The following PCDHA3 variants were observed in gnomAD, a reference collection of about 807,000 sequenced individuals.
The protein encoded by PCDHA3 is protocadherin alpha-3.
In PCDHA3, 41 loss-of-function variants were observed where a neutral mutation model predicts 62.2. The observed-to-expected ratio is 0.66, with a 90% CI of 0.51 to 0.86. The LOEUF (loss-of-function observed/expected upper bound fraction) is 0.86, where lower values mean the gene tolerates loss of function less well. Ranked by LOEUF, PCDHA3 falls within the 40% of genes least tolerant of loss-of-function variation. The pLI is 0.00. For missense variants in PCDHA3, 1,304 were observed against 1,241.2 expected (o/e 1.05, Z -0.76); for synonymous variants, 640 against 555.4 (o/e 1.15, Z -2.14).
intron 3 of PCDHA3, among the ~76,000 whole-genome samples, chr5:140,999,619 G>A (rs2097865766): frequency 6.6e-6 from 1 of 152,146 alleles, no homozygotes; most frequent in Non-Finnish European, 1.5e-5. Flanking sequence ...TTATCAACCA[G>A]GAAACAAGGT....
intron 1 of PCDHA3, among the ~76,000 whole-genome samples, chr5:140,953,778 A>T (rs782648195): frequency 2.0e-5 from 3 of 151,986 alleles, no homozygotes; most frequent in Non-Finnish European, 2.9e-5. Context: ...ATATTTATTT[A>T]TTTTTTTCTT....
At chr5:140,839,307 C>A (rs1554137377) in intron 1 of PCDHA3, among the ~76,000 whole-genome samples, 1 of 151,838 alleles carries the variant, frequency 6.6e-6, no homozygotes, top group African/African-American at 2.4e-5. Flanking sequence ...TTTAAATATC[C>A]TATTTATATT....
At chr5:140,819,426 A>G (rs1766555129) in intron 1 of PCDHA3, among the ~76,000 whole-genome samples, 1 of 152,182 alleles carries the variant, frequency 6.6e-6, no homozygotes, top group Non-Finnish European at 1.5e-5. Context: ...TATACTACAC[A>G]GTTTTAAATC....
chr5:140,922,527 C>T (rs1436336713), intron 1 of PCDHA3, among the ~76,000 whole-genome samples: 2 of 152,130 alleles, frequency 1.3e-5, no homozygotes, highest in East Asian at 3.9e-4. Flanking sequence ...AAGATTGAAC[C>T]TAAGGATGTG....
At chr5:140,909,561 C>G (rs1281989854) in intron 1 of PCDHA3, among the ~76,000 whole-genome samples, 1 of 152,110 alleles carries the variant, frequency 6.6e-6, no homozygotes, top group Non-Finnish European at 1.5e-5. Flanking sequence ...TCTCTGCAAC[C>G]CATCCAGAGA....
At chr5:140,803,622 T>C (rs1003396292) in intron 1 of PCDHA3, 31 bp downstream of exon 1, 13 of 1,614,014 alleles carry the variant, frequency 8.1e-6, no homozygotes, top group Non-Finnish European at 1.1e-5. Context: ...CTTTCCAAAA[T>C]GTCTTTGTTT....
At chr5:140,883,040 G>A (rs994931084) in intron 1 of PCDHA3, 1 of 1,614,062 alleles carries the variant, frequency 6.2e-7, no homozygotes, top group Non-Finnish European at 8.5e-7. Flanking sequence ...CGCCTTCAAT[G>A]GAACATTAGT....
intron 1 of PCDHA3, among the ~76,000 whole-genome samples, chr5:140,978,640 G>T (rs1339340351): frequency 6.6e-6 from 1 of 152,252 alleles, no homozygotes; most frequent in African/African-American, 2.4e-5. Flanking sequence ...TCTCAAAGCA[G>T]ACTGTTCTTC....
At chr5:140,894,043 C>G (rs1562874850) in intron 1 of PCDHA3, among the ~76,000 whole-genome samples, 1 of 152,050 alleles carries the variant, frequency 6.6e-6, no homozygotes, top group Non-Finnish European at 1.5e-5. Flanking sequence ...AATGTAAGTC[C>G]TCTGTTGAAT....
chr5:140,805,867 T>C (rs1763642832), intron 1 of PCDHA3, among the ~76,000 whole-genome samples: 1 of 152,174 alleles, frequency 6.6e-6, no homozygotes, highest in South Asian at 2.1e-4. Context: ...ATTAATGCAT[T>C]TTATTAGGCA....
chr5:140,817,875 A>T (rs1766223653), intron 1 of PCDHA3, among the ~76,000 whole-genome samples: 1 of 152,188 alleles, frequency 6.6e-6, no homozygotes, highest in Non-Finnish European at 1.5e-5. Flanking sequence ...ATTGAATGAA[A>T]GTTATTTTTG....
At chr5:141,002,600 A>G (rs1269340072) in intron 3 of PCDHA3, among the ~76,000 whole-genome samples, 1 of 152,204 alleles carries the variant, frequency 6.6e-6, no homozygotes, top group Non-Finnish European at 1.5e-5. Flanking sequence ...CCCCTCATCT[A>G]TAAAACAGAC....
At chr5:140,926,512 C>T in intron 1 of PCDHA3, 1 of 197,914 alleles carries the variant, frequency 5.1e-6, no homozygotes. Context: ...GTCTCCCAGG[C>T]TCCGCCCTGC....
At position 140,830,179 on chromosome 5, in the gene PCDHA3, C is replaced by T. The variant is rs2150182453; in HGVS notation, c.2394+26588C>T. The T allele has an allele frequency of 6.2e-6, 10 of 1,613,648 alleles. No homozygotes were observed. In the South Asian group the frequency reaches 9.9e-5, roughly 16 times the overall value. On this transcript the variant is annotated intron_variant, in intron 1 of 3. Transcript: ENST00000522353. ...GCCCAGAGGCGGCGCTGGTGGATGT[C>T]AACGTGTACCTGATCATCGCCATCT...
At chr5:140,839,304 A>G (rs1554137374) in intron 1 of PCDHA3, among the ~76,000 whole-genome samples, 1 of 152,048 alleles carries the variant, frequency 6.6e-6, no homozygotes, top group Non-Finnish European at 1.5e-5. Flanking sequence ...AGTTTTAAAT[A>G]TCCTATTTAT....
At chr5:140,925,643 T>TAATAATAATAAG (rs1195362666) in intron 1 of PCDHA3, among the ~76,000 whole-genome samples, 1 of 99,548 alleles carries the variant, frequency 1.0e-5, no homozygotes, top group Non-Finnish European at 2.0e-5. Context: ...ACTTAAAGTA[T>TAATAATAATAAG]AATAATAATA....
intron 1 of PCDHA3, among the ~76,000 whole-genome samples, chr5:140,878,898 G>A (rs2057763490): frequency 6.6e-6 from 1 of 152,154 alleles, no homozygotes; most frequent in South Asian, 2.1e-4. Flanking sequence ...ACTACAGGCA[G>A]GCTCCACCAC....
chr5:140,849,774 G>A lies in PCDHA3; in HGVS notation c.2394+46183G>A, dbSNP rs2150449369. On this transcript the variant is annotated intron_variant, in intron 1 of 3. Transcript: ENST00000522353. ...GTCCGCCTACGAGCTGGTGGTTACC[G>A]CGCGGGACGGGGGCTCGCCTTCACT... 3 of 1,598,480 alleles carry A rather than the reference G, an allele frequency of 1.9e-6. No individual in the cohort carries two copies. In the South Asian group the frequency reaches 3.3e-5, roughly 18 times the overall value.
At chr5:140,836,004 G>A in intron 1 of PCDHA3, 2 of 1,613,392 alleles carry the variant, frequency 1.2e-6, no homozygotes, top group Non-Finnish European at 1.7e-6. Context: ...GCGCGATGCG[G>A]GCGTGCCGCC....
Sources: allele counts gnomAD v4.1 joint callset (sites outside exome capture counted in the v4.1 genomes callset), GRCh38; gene constraint gnomAD v4.1.1; transcripts MANE v1.5; gene names NCBI Gene and HGNC (gene_info 2026-07-23, HGNC 2026-07-21).